The following ANKRD28 variants were observed in gnomAD, a reference collection of about 807,000 sequenced individuals.
ANKRD28 encodes the protein serine/threonine-protein phosphatase 6 regulatory ankyrin repeat subunit A.
In ANKRD28, 44 loss-of-function variants were observed where a neutral mutation model predicts 126.5. The observed-to-expected ratio is 0.35, with a 90% CI of 0.27 to 0.45. The LOEUF (loss-of-function observed/expected upper bound fraction) is 0.45. Among genes scored for constraint, ANKRD28 ranks in the 20% least tolerant of loss-of-function variants. The pLI, the probability that ANKRD28 is intolerant of heterozygous loss-of-function variation, is 1.00. For missense variants in ANKRD28, 1,110 were observed against 1,316.6 expected, an observed-to-expected ratio of 0.84 and a Z score of 2.43; for synonymous variants, 442 against 468.5, an observed-to-expected ratio of 0.94 and a Z score of 0.73.
intron 1 of ANKRD28, among the ~76,000 whole-genome samples, chr3:15,856,095 G>C (rs1178295339): frequency 6.6e-6 from 1 of 152,160 alleles, no homozygotes; most frequent in East Asian, 1.9e-4. Context: ...TAAAACCAAA[G>C]CATTAATTGT....
intron 27 of ANKRD28, among the ~76,000 whole-genome samples, chr3:15,675,466 G>C (rs2066839631): frequency 6.6e-6 from 1 of 152,148 alleles, no homozygotes; most frequent in Admixed American, 6.5e-5. Flanking sequence ...TACAGGAAGA[G>C]AGCGAAAAAT....
intron 13 of ANKRD28, among the ~76,000 whole-genome samples, chr3:15,708,392 A>C (rs2071755528): frequency 6.6e-6 from 1 of 152,166 alleles, no homozygotes; most frequent in South Asian, 2.1e-4. Flanking sequence ...TCATTTTAGG[A>C]AAGTTTCCCC....
chr3:15,669,022 C>G lies in ANKRD28; in HGVS notation c.*1248G>C, dbSNP rs1041026914. 3 of 152,510 alleles carry G rather than the reference C, an allele frequency of 2.0e-5. No individual in the cohort carries two copies. The highest frequency in any genetic ancestry group is 4.4e-5 in the Non-Finnish European group (3 of 68,024). 9.4% of individuals were successfully genotyped at this position (152,510 alleles called of 1,614,324 possible). ...GCCGAAATATCAGCCTTCTCTCTCT[C>G]TTTTGCTATTTGAAAGGTAGTCTTC... On this transcript the variant is annotated 3_prime_UTR_variant, in exon 28 of 28. Coordinates refer to ENST00000683139, the MANE Select transcript of ANKRD28 (RefSeq NM_001349278.2).
intron 1 of ANKRD28, among the ~76,000 whole-genome samples, chr3:15,823,357 G>A (rs1436718260): frequency 2.0e-5 from 3 of 152,144 alleles, no homozygotes; most frequent in Admixed American, 2.0e-4. Context: ...GACCATCTGT[G>A]GCCTGGCAGT....
intron 1 of ANKRD28, among the ~76,000 whole-genome samples, chr3:15,810,979 T>A (rs2060699749): frequency 6.6e-6 from 1 of 152,232 alleles, no homozygotes; most frequent in East Asian, 1.9e-4. Flanking sequence ...CTTGCTGACC[T>A]ACAATCCCCT....
intron 12 of ANKRD28, 138 bp downstream of exon 12, chr3:15,711,072 GA>G (rs1198363335): frequency 1.2e-5 from 8 of 648,008 alleles, no homozygotes; most frequent in Non-Finnish European, 2.1e-5. Flanking sequence ...TGCCACCCTG[GA>G]CTTTTTTTTC....
intron 14 of ANKRD28, among the ~76,000 whole-genome samples, chr3:15,706,294 A>G (rs1443434203): frequency 1.3e-5 from 2 of 150,274 alleles, no homozygotes; most frequent in African/African-American, 4.9e-5. Flanking sequence ...CCTGTGTCCA[A>G]GTGTTCTTAT....
At chr3:15,743,309 C>T (rs1405677804) in intron 4 of ANKRD28, among the ~76,000 whole-genome samples, 1 of 151,906 alleles carries the variant, frequency 6.6e-6, no homozygotes, top group Non-Finnish European at 1.5e-5. Context: ...GTCCTATGAC[C>T]CTGCCAAATC....
chr3:15,826,728 A>C (rs560775367), intron 1 of ANKRD28, among the ~76,000 whole-genome samples: 1 of 152,174 alleles, frequency 6.6e-6, no homozygotes, highest in East Asian at 1.9e-4. Context: ...AAGATCACTG[A>C]TTGGTCTGAG....
chr3:15,775,029 A>AGTAG (rs2059192059), intron 2 of ANKRD28, among the ~76,000 whole-genome samples: 1 of 115,968 alleles, frequency 8.6e-6, no homozygotes, highest in Non-Finnish European at 1.7e-5. Context: ...GGTGCCCACC[A>AGTAG]CCACGCCTGG....
intron 1 of ANKRD28, among the ~76,000 whole-genome samples, chr3:15,805,783 T>A (rs1219644496): frequency 6.6e-6 from 1 of 152,184 alleles, no homozygotes; most frequent in African/African-American, 2.4e-5. Flanking sequence ...AGTTTTAAAA[T>A]AAGTTGCTAT....
At position 15,815,833 on chromosome 3, in the gene ANKRD28, T is replaced by C. The variant is rs1388563207; in HGVS notation, c.28-20527A>G. Among the ~76,000 whole-genome samples the C allele has an allele frequency of 6.6e-6, 1 of 152,184 alleles. No individual in the cohort carries two copies. Among genetic ancestry groups the C allele is most frequent in the Admixed American group, 6.5e-5 (1 of 15,278 alleles). ...CTCATCAGAAAATATTAAAGGTACA[T>C]TATTTTAGGTTCTACAGCATGTAAC... On this transcript the variant is annotated intron_variant, in intron 1 of 27. Transcript: ENST00000399451. This position sits in a 1 kb window ranked among gnomAD's most constrained non-coding sequence, Gnocchi z 4.1.
intron 3 of ANKRD28, among the ~76,000 whole-genome samples, chr3:15,762,851 C>G (rs1256375881): frequency 1.3e-5 from 2 of 152,102 alleles, no homozygotes; most frequent in African/African-American, 2.4e-5. Context: ...CTTCTTTAAG[C>G]CTATAAATTT....
Position 15,823,371 on chromosome 3 carries a change from G to A in ANKRD28, c.28-28065C>T, listed in dbSNP as rs147989887. Among the ~76,000 whole-genome samples, 1,285 of 152,146 alleles carry A rather than the reference G, an allele frequency of 8.4e-3. 19 individuals are homozygous for A. The highest frequency in any genetic ancestry group is 0.029 in the African/African-American group (1,201 of 41,480). Reference sequence around the variant, plus strand: ...GGACCATCTGTGGCCTGGCAGTCGCGGACCCCTGCTATAACAAATAAAGAG... The same window carrying A: ...GGACCATCTGTGGCCTGGCAGTCGCAGACCCCTGCTATAACAAATAAAGAG... On this transcript the variant is annotated intron_variant, in intron 1 of 27. Transcript: ENST00000399451.
intron 1 of ANKRD28, among the ~76,000 whole-genome samples, chr3:15,850,190 T>TAA (rs1238069051): frequency 0.038 from 1,200 of 31,734 alleles, 81 homozygotes; most frequent in African/African-American, 0.089. Context: ...CTACATGCAA[T>TAA]AAAAAAAAAA....
In ANKRD28 at chr3:15,716,420, T is replaced by C. The variant is rs924472944; in HGVS notation, c.997-1764A>G. On this transcript the variant is annotated intron_variant, in intron 8 of 27. Coordinates refer to ENST00000683139, the MANE Select transcript of ANKRD28 (RefSeq NM_001349278.2). Reference sequence around the variant, plus strand: ...GATCTTCTAACAACAGCCTCTGGAGTAGCTGGGACTACTGGCATGTAACAT... The same window carrying C: ...GATCTTCTAACAACAGCCTCTGGAGCAGCTGGGACTACTGGCATGTAACAT... Among the ~76,000 whole-genome samples the C allele has an allele frequency of 2.0e-5, 3 of 151,296 alleles. No homozygotes were observed. The Admixed American group carries it at 2.0e-4, about 10-fold the overall frequency.
At chr3:15,792,835 C>G (rs2060095644) in intron 2 of ANKRD28, among the ~76,000 whole-genome samples, 1 of 151,998 alleles carries the variant, frequency 6.6e-6, no homozygotes, top group African/African-American at 2.4e-5. Flanking sequence ...ATATAGACAC[C>G]TATTATGTAC....
chr3:15,689,241 A>G (rs747377693), intron 18 of ANKRD28, among the ~76,000 whole-genome samples: 17 of 152,206 alleles, frequency 1.1e-4, no homozygotes, highest in Non-Finnish European at 2.5e-4. Context: ...AAGTCCAGAG[A>G]TAAGTCCAGG....
chr3:15,720,412 C>T (rs1418241036), intron 8 of ANKRD28, among the ~76,000 whole-genome samples: 2 of 152,054 alleles, frequency 1.3e-5, no homozygotes, highest in Non-Finnish European at 2.9e-5. Context: ...TTATTTGATG[C>T]TTTTTAAAAT....
Sources: allele counts gnomAD v4.1 joint callset (sites outside exome capture counted in the v4.1 genomes callset), GRCh38; gene constraint gnomAD v4.1.1; non-coding constraint Gnocchi (gnomAD v3.1); transcripts MANE v1.5; gene names NCBI Gene and HGNC (gene_info 2026-07-23, HGNC 2026-07-21).